The following ECPAS variants were observed in gnomAD, a reference collection of about 807,000 sequenced individuals.
ECPAS encodes the protein Ecm29 proteasome adaptor and scaffold.
A neutral mutation model predicts 255.1 loss-of-function variants in ECPAS; 70 were observed. That is an observed-to-expected ratio of 0.27 (90% confidence interval 0.23 to 0.33). ECPAS has a LOEUF of 0.33. Among genes scored for constraint, ECPAS ranks in the 10% least tolerant of loss-of-function variants. The pLI is 1.00. For synonymous variants in ECPAS, 784 were observed against 775.0 expected, an observed-to-expected ratio of 1.01 and a Z score of -0.19; for missense variants, 1,817 against 2,206.4, an observed-to-expected ratio of 0.82 and a Z score of 3.54.
At position 111,378,606 on chromosome 9, in the gene ECPAS, T is replaced by C. The variant is rs1485119738; in HGVS notation, c.3928A>G (p.Ser1310Gly). 4 of 1,613,606 alleles carry C rather than the reference T, an allele frequency of 2.5e-6. No individual in the cohort carries two copies. Among genetic ancestry groups the C allele is most frequent in the Non-Finnish European group, 3.4e-6 (4 of 1,179,594 alleles). ...TTTTCTTGCTCTGTCGCCCGGAGGC[T>C]CAAATAATTGAGAACTTGGGGCTCC... ...VLEPQVLNYL[S>G]LRATEQEKAA... Residue 1310 changes from serine to glycine, a missense_variant, in exon 36 of 50, where the codon AGC (serine) becomes GGC (glycine). This residue lies in a region of ECPAS where 960 missense variants were observed against 1,179.0 expected (regional missense o/e 0.81). Coordinates refer to ENST00000684092, the MANE Select transcript of ECPAS (RefSeq NM_001364929.1).
intron 2 of ECPAS, among the ~76,000 whole-genome samples, chr9:111,460,270 T>G (rs1257706569): frequency 6.6e-6 from 1 of 152,180 alleles, no homozygotes; most frequent in Non-Finnish European, 1.5e-5. Flanking sequence ...TCAACATCTC[T>G]TCATGCTAAA....
Position 111,484,327 on chromosome 9 carries a change from C to G in ECPAS, c.-294G>C, listed in dbSNP as rs778541307. ...CCTTTTCCGAGGTCTGCGGCTGTCACGTTGGCTGGGCCCGACCTGGGGAAA... is the reference window on the plus strand; with the variant it reads ...CCTTTTCCGAGGTCTGCGGCTGTCAGGTTGGCTGGGCCCGACCTGGGGAAA... On this transcript the variant is annotated 5_prime_UTR_variant, in exon 1 of 50. Coordinates refer to ENST00000684092, the MANE Select transcript of ECPAS (RefSeq NM_001364929.1). The G allele has an allele frequency of 1.3e-5, 21 of 1,599,992 alleles. No individual in the cohort carries two copies. The South Asian group carries it at 1.7e-4, about 13-fold the overall frequency.
intron 35 of ECPAS, 60 bp downstream of exon 35, chr9:111,383,151 A>C: frequency 6.3e-7 from 1 of 1,586,282 alleles, no homozygotes; most frequent in Admixed American, 1.7e-5. Flanking sequence ...ACCTTGAAAG[A>C]AACACAATTT....
intron 10 of ECPAS, 78 bp downstream of exon 10, chr9:111,427,964 A>G: frequency 2.2e-6 from 3 of 1,365,560 alleles, no homozygotes; most frequent in South Asian, 2.8e-5. Flanking sequence ...CTGAATATCC[A>G]TTAACACAGT....
chr9:111,389,668 G>A lies in ECPAS; in HGVS notation c.3335C>T (p.Pro1112Leu), dbSNP rs1589134730. 6.2e-7 allele frequency: 1 copy of A among 1,613,872 alleles called. No individual in the cohort carries two copies. The highest frequency in any genetic ancestry group is 8.5e-7 in the Non-Finnish European group (1 of 1,179,822). Residue 1112 changes from proline to leucine, a missense_variant, in exon 31 of 50, where the codon CCT (proline) becomes CTT (leucine). By Grantham distance (98) the Pro-to-Leu change is moderately conservative. Transcript: ENST00000684092. ...IATRAGEQLA[P>L]FLPQLVPRLY... ...TCGAGGAACTAGCTGAGGCAGAAAA[G>A]GAGCCAGCTGCTCTCCAGCTCTGGT...
rs541919185 is a variant in ECPAS at position 111,369,036 on chromosome 9, T to C, written c.5112A>G (p.Gln1704=). 25 of 1,575,130 alleles carry C rather than the reference T, an allele frequency of 1.6e-5. No homozygotes were observed. Among genetic ancestry groups the C allele is most frequent in the Non-Finnish European group, 1.9e-5 (22 of 1,167,012 alleles). The part of the protein sequence containing the change: ...GKAWPRNAET[Q]RCYRQELCKL... ...TCAAATGCAGTTTCTGGTGCTTACGTTGGGTCTCCGCGTTTCGCGGCCAGG... is the reference window on the plus strand; with the variant it reads ...TCAAATGCAGTTTCTGGTGCTTACGCTGGGTCTCCGCGTTTCGCGGCCAGG... Residue 1704 remains glutamine (Q), a splice_region_variant and synonymous_variant, in exon 46 of 50, where the codon CAA becomes CAG. Transcript: ENST00000684092.
intron 1 of ECPAS, among the ~76,000 whole-genome samples, chr9:111,481,909 G>C (rs1486123928): frequency 6.6e-6 from 1 of 152,234 alleles, no homozygotes; most frequent in Non-Finnish European, 1.5e-5. Flanking sequence ...CACAGGGACA[G>C]AAAGTACAAT....
At chr9:111,417,387 G>A (rs2098205453) in intron 17 of ECPAS, among the ~76,000 whole-genome samples, 1 of 152,186 alleles carries the variant, frequency 6.6e-6, no homozygotes. Context: ...TCAATTACAG[G>A]TGAGGATTAC....
intron 9 of ECPAS, among the ~76,000 whole-genome samples, chr9:111,429,821 T>C (rs1461633968): frequency 9.2e-5 from 14 of 152,132 alleles, no homozygotes; most frequent in African/African-American, 4.8e-5. Flanking sequence ...CTAGGCAACA[T>C]AGCTAAACCC....
chr9:111,483,554 G>A (rs926872750), intron 1 of ECPAS: 5 of 971,728 alleles, frequency 5.1e-6, no homozygotes, highest in Admixed American at 6.4e-5. Context: ...GTTGCGCCGG[G>A]GAGGGAACGA....
chr9:111,419,971 A>C (rs751778154), intron 16 of ECPAS, 46 bp downstream of exon 16: 8 of 1,350,816 alleles, frequency 5.9e-6, no homozygotes, highest in South Asian at 1.2e-5. Context: ...TTTTCAAATA[A>C]ATTCAAAATA....
intron 49 of ECPAS, among the ~76,000 whole-genome samples, 171 bp from the exon 50 acceptor site, chr9:111,362,340 T>A (rs974643781): frequency 2.6e-5 from 4 of 152,190 alleles, no homozygotes; most frequent in Non-Finnish European, 5.9e-5. Context: ...TATCATTACA[T>A]ACTGTCAATA....
chr9:111,472,975 C>T lies in ECPAS; in HGVS notation c.-57G>A, dbSNP rs1211941337. ...ATCACCAATGGTACGTTCATCCACT[C>T]GTACATATGCAATTGTATAAAGAAT... On this transcript the variant is annotated 5_prime_UTR_variant, in exon 2 of 50. Coordinates refer to ENST00000684092, the MANE Select transcript of ECPAS (RefSeq NM_001364929.1). 1.4e-5 allele frequency: 16 copies of T among 1,180,206 alleles called. No homozygotes were observed. Among genetic ancestry groups the T allele is most frequent in the Non-Finnish European group, 1.7e-5 (16 of 932,454 alleles). 73.1% of individuals were successfully genotyped at this position (1,180,206 alleles called of 1,614,324 possible).
chr9:111,369,141 G>C lies in ECPAS; in HGVS notation c.5007C>G (p.Thr1669=), dbSNP rs372799300. Residue 1669 remains threonine (T), a synonymous_variant, in exon 46 of 50, where the codon ACC becomes ACG. Transcript: ENST00000684092. ...NSLESSGVRT[T]KNEEENEKEK... ...CCTTTTCATTCTCCTCTTCATTTTT[G>C]GTTGTCCGGACCCCACTGCTTTCAA... 1.1e-5 allele frequency: 18 copies of C among 1,604,390 alleles called. No individual in the cohort carries two copies. Among genetic ancestry groups the C allele is most frequent in the Non-Finnish European group, 1.5e-5 (18 of 1,176,602 alleles).
At chr9:111,442,733 A>T (rs1014347572) in intron 4 of ECPAS, among the ~76,000 whole-genome samples, 21 of 152,202 alleles carry the variant, frequency 1.4e-4, no homozygotes, top group Non-Finnish European at 3.1e-4. Context: ...TTACACCTAC[A>T]CACTACATAT....
At chr9:111,468,034 T>A (rs918505983) in intron 2 of ECPAS, among the ~76,000 whole-genome samples, 2 of 152,078 alleles carry the variant, frequency 1.3e-5, no homozygotes, top group Admixed American at 6.6e-5. Flanking sequence ...GTGACTGTAG[T>A]CCCAGCTACT....
At chr9:111,400,643 A>T (rs2098174457) in intron 24 of ECPAS, among the ~76,000 whole-genome samples, 1 of 152,226 alleles carries the variant, frequency 6.6e-6, no homozygotes, top group African/African-American at 2.4e-5. Flanking sequence ...TGACTGAAAA[A>T]TGCTTCAGTG....
intron 47 of ECPAS, 73 bp from the exon 48 acceptor site, chr9:111,366,400 C>T: frequency 1.5e-6 from 2 of 1,329,674 alleles, no homozygotes; most frequent in Non-Finnish European, 2.1e-6. Context: ...GTCACAATTT[C>T]TATCTGTATG....
chr9:111,374,429 C>T (rs1564499478), intron 38 of ECPAS, among the ~76,000 whole-genome samples: 4 of 152,042 alleles, frequency 2.6e-5, no homozygotes, highest in South Asian at 2.1e-4. Flanking sequence ...TCAGATGTTC[C>T]TTGATGGAGT....
Sources: allele counts gnomAD v4.1 joint callset (sites outside exome capture counted in the v4.1 genomes callset), GRCh38; gene constraint gnomAD v4.1.1; regional missense constraint gnomAD v4.1.1; transcripts MANE v1.5; gene names NCBI Gene and HGNC (gene_info 2026-07-23, HGNC 2026-07-21).